Variants in RNLS observed in about 807,000 individuals in gnomAD.
The protein encoded by RNLS is renalase, FAD dependent amine oxidase, also known as renalase.
Under a neutral mutation model 39.8 loss-of-function variants are expected in RNLS, and 39 were observed. That is an observed-to-expected ratio of 0.98 (90% CI 0.76 to 1.28). The LOEUF is 1.28. Among genes scored for constraint, RNLS ranks in the 50% most tolerant of loss-of-function variants. The probability of loss-of-function intolerance (pLI) is 0.00; values close to 1 mark genes in which losing one functional copy is unlikely to be tolerated. For missense variants in RNLS, 410 were observed against 413.3 expected (o/e 0.99, Z 0.07); for synonymous variants, 147 against 150.7 (o/e 0.98, Z 0.18).
At chr10:88,553,895 C>T (rs967086353) in intron 4 of RNLS, among the ~76,000 whole-genome samples, 2 of 151,994 alleles carry the variant, frequency 1.3e-5, no homozygotes, top group Non-Finnish European at 2.9e-5. Flanking sequence ...TTTTCTGTGA[C>T]TGGTAAGAGA....
chr10:88,334,855 A>AT lies in RNLS; in HGVS notation c.701-20215dup, dbSNP rs1847372052. 2.0e-5 allele frequency among the ~76,000 whole-genome samples: 3 copies of AT among 152,200 alleles called. No homozygotes were observed. In the South Asian group the frequency reaches 6.2e-4, roughly 32 times the overall value. ...TCTCTTAAAAAAAAATGAGCAAGCA[A>AT]TTTTTCCTCTGTAGTTCAAGTTCAT... On this transcript the variant is annotated intron_variant, in intron 5 of 6. Coordinates refer to ENST00000331772, the MANE Select transcript of RNLS (RefSeq NM_001031709.3).
intron 6 of RNLS, among the ~76,000 whole-genome samples, chr10:88,308,905 G>A (rs1268915196): frequency 3.3e-5 from 5 of 151,930 alleles, no homozygotes; most frequent in African/African-American, 9.7e-5. Context: ...TAAAGAAAAT[G>A]TGATACATCT....
chr10:88,545,520 C>T (rs553646878), intron 4 of RNLS: 2 of 454,078 alleles, frequency 4.4e-6, no homozygotes, highest in Non-Finnish European at 4.4e-6. Flanking sequence ...TCTCACAAGA[C>T]TTATTCACTA....
chr10:88,386,391 C>A (rs924326509), intron 4 of RNLS, among the ~76,000 whole-genome samples: 1 of 151,726 alleles, frequency 6.6e-6, no homozygotes, highest in Admixed American at 6.6e-5. Context: ...AAGGCAGTGA[C>A]CCATTTGTTA....
intron 6 of RNLS, among the ~76,000 whole-genome samples, chr10:88,292,640 T>C (rs1843752052): frequency 6.6e-6 from 1 of 152,014 alleles, no homozygotes; most frequent in African/African-American, 2.4e-5. Context: ...TTATGTTATA[T>C]TACCTTCCTG....
chr10:88,346,163 T>C (rs1338710152), intron 5 of RNLS, among the ~76,000 whole-genome samples: 4 of 152,154 alleles, frequency 2.6e-5, no homozygotes. Context: ...ATATATTTTC[T>C]AAGTTAAATA....
rs190394909 is a variant in RNLS, at chr10:88,556,043, G to A, written c.526+16860C>T. 1.4e-3 allele frequency among the ~76,000 whole-genome samples: 215 copies of A among 152,122 alleles called. 1 individual carries two copies. Among genetic ancestry groups the A allele is most frequent in the Admixed American group, 3.6e-3 (55 of 15,258 alleles). On this transcript the variant is annotated intron_variant, in intron 4 of 6. Coordinates refer to ENST00000331772, the MANE Select transcript of RNLS (RefSeq NM_001031709.3). Reference sequence around the variant, plus strand: ...GTATTCCCACTTGAATCTCTATTAAGCAACTCAAACCCAATCCAAGACCAA... The same window carrying A: ...GTATTCCCACTTGAATCTCTATTAAACAACTCAAACCCAATCCAAGACCAA...
chr10:88,290,388 C>T (rs994481575), intron 6 of RNLS, among the ~76,000 whole-genome samples: 6 of 152,130 alleles, frequency 3.9e-5, no homozygotes, highest in African/African-American at 1.4e-4. Flanking sequence ...TTTATAAATT[C>T]TAATTCTAGA....
intron 4 of RNLS, among the ~76,000 whole-genome samples, chr10:88,513,824 A>C (rs1399119117): frequency 6.6e-6 from 1 of 152,132 alleles, no homozygotes; most frequent in Non-Finnish European, 1.5e-5. Context: ...AATGTAGGTG[A>C]GTGCCTGTTT....
intron 4 of RNLS, among the ~76,000 whole-genome samples, chr10:88,372,647 A>G (rs1850656547): frequency 6.6e-6 from 1 of 152,186 alleles, no homozygotes; most frequent in African/African-American, 2.4e-5. Flanking sequence ...CTCAAGCAAC[A>G]TTATTGTAGG....
intron 1 of RNLS, 35 bp downstream of exon 1, chr10:88,583,038 C>G (rs1850739872): frequency 6.2e-7 from 1 of 1,601,154 alleles, no homozygotes; most frequent in African/African-American, 1.3e-5. Context: ...CCCGGCAGTC[C>G]TCTTTTCCCA....
the RNLS span, among the ~76,000 whole-genome samples, chr10:88,246,669 G>A: frequency 2.0e-5 from 3 of 151,454 alleles, no homozygotes; most frequent in Non-Finnish European, 4.4e-5. Flanking sequence ...TCTCTCTCAC[G>A]GCTAGAATTT....
chr10:88,554,515 C>T (rs1848757012), intron 4 of RNLS, among the ~76,000 whole-genome samples: 2 of 151,950 alleles, frequency 1.3e-5, no homozygotes, highest in Admixed American at 1.3e-4. Flanking sequence ...ACTACATGAC[C>T]ACAGAACACT....
rs188089796 is a variant in RNLS at position 88,354,170 on chromosome 10, A to G, written c.700+8382T>C. ...CTGATGGGTCTTGACTCTTTATCCA[A>G]TTTGCCAGTCTCTGTCTTTTGATTG... On this transcript the variant is annotated intron_variant, in intron 5 of 6. Transcript: ENST00000331772. Among the ~76,000 whole-genome samples the G allele has an allele frequency of 1.2e-3, 177 of 152,192 alleles. 1 individual carries two copies. The highest frequency in any genetic ancestry group is 3.4e-3 in the Middle Eastern group (1 of 294).
At chr10:88,480,199 C>T (rs111261658) in intron 4 of RNLS, among the ~76,000 whole-genome samples, 6 of 152,324 alleles carry the variant, frequency 3.9e-5, no homozygotes, top group African/African-American at 1.4e-4. Flanking sequence ...ACCTTTAACT[C>T]TAGTAAGCAT....
the RNLS span, among the ~76,000 whole-genome samples, chr10:88,226,541 G>T: frequency 6.6e-6 from 1 of 152,084 alleles, no homozygotes; most frequent in African/African-American, 2.4e-5. Flanking sequence ...ATCCTACAGG[G>T]TATGAATTTA....
At chr10:88,546,246 TA>T (rs1474150009) in intron 4 of RNLS, among the ~76,000 whole-genome samples, 1 of 152,068 alleles carries the variant, frequency 6.6e-6, no homozygotes, top group Non-Finnish European at 1.5e-5. Context: ...TATAAATATA[TA>T]TAGCTCCATA....
intron 4 of RNLS, among the ~76,000 whole-genome samples, chr10:88,426,555 G>T (rs570817114): frequency 6.6e-6 from 1 of 152,122 alleles, no homozygotes; most frequent in South Asian, 2.1e-4. Context: ...AAAAGATGAA[G>T]AAATTTTGTT....
chr10:88,330,013 T>C (rs750349785), intron 5 of RNLS, among the ~76,000 whole-genome samples: 1 of 149,604 alleles, frequency 6.7e-6, no homozygotes, highest in Non-Finnish European at 1.5e-5. Flanking sequence ...CTTTTTTTGT[T>C]GTTGTTCTTG....
Sources: gnomAD v4.1 joint callset for allele counts (sites outside exome capture counted in the v4.1 genomes callset) on GRCh38, gnomAD v4.1.1 for gene constraint, MANE v1.5 for transcripts, NCBI Gene and HGNC (gene_info 2026-07-23, HGNC 2026-07-21) for gene names.